The following YWHAE variants were observed in gnomAD, a reference collection of about 807,000 sequenced individuals.
The protein encoded by YWHAE is 14-3-3 protein epsilon.
YWHAE carries 4 observed loss-of-function variants against 30.1 expected under a neutral mutation model. The observed-to-expected ratio is 0.13, with a 90% CI of 0.07 to 0.30. The LOEUF (loss-of-function observed/expected upper bound fraction) is 0.30. YWHAE is among the 10% of genes least tolerant of loss of function. YWHAE has a pLI of 1.00. For missense variants in YWHAE, 121 were observed against 315.9 expected, an observed-to-expected ratio of 0.38 and a Z score of 4.68; for synonymous variants, 118 against 111.8, an observed-to-expected ratio of 1.06 and a Z score of -0.35.
chr17:1,376,804 T>C (rs1292612084), intron 1 of YWHAE, among the ~76,000 whole-genome samples: 2 of 152,070 alleles, frequency 1.3e-5, no homozygotes, highest in African/African-American at 2.4e-5. Context: ...CAGCTCCTAA[T>C]GAAATTCAGG....
chr17:1,366,722 C>T lies in YWHAE; in HGVS notation c.65-1664G>A, dbSNP rs558487356. The stretch of plus-strand genomic sequence containing the variant: ...CTTTGGGAGGCCAAGGTGGGTGGAT[C>T]GCCTGAGGTCAGGAGTTCGAGACCA... On this transcript the variant is annotated intron_variant, in intron 1 of 5. Coordinates refer to ENST00000264335, the MANE Select transcript of YWHAE (RefSeq NM_006761.5). Among the ~76,000 whole-genome samples the T allele has an allele frequency of 9.5e-4, 145 of 152,066 alleles. 1 individual carries two copies. Among genetic ancestry groups the T allele is most frequent in the Non-Finnish European group, 8.8e-4 (60 of 67,968 alleles).
Position 1,400,101 on chromosome 17 carries a change from G to C in YWHAE, c.10C>G (p.Arg4Gly). 6.2e-7 allele frequency: 1 copy of C among 1,613,834 alleles called. No individual in the cohort carries two copies. Among genetic ancestry groups the C allele is most frequent in the Non-Finnish European group, 8.5e-7 (1 of 1,179,986 alleles). Reference protein sequence around the residue: MDDREDLVYQAKLA... With the variant: MDDGEDLVYQAKLA... ...TTCGCCTGGTACACCAGATCCTCTC[G>C]ATCATCCATAGCGGCAGCGGCTCCG... is the stretch of plus-strand genomic sequence containing the variant. Residue 4 changes from arginine to glycine, a missense_variant, in exon 1 of 6, where the codon CGA becomes GGA. Arg to Gly is a moderately radical substitution (Grantham distance 125). Coordinates refer to ENST00000264335, the MANE Select transcript of YWHAE (RefSeq NM_006761.5).
chr17:1,399,768 C>T (rs1447998644), intron 1 of YWHAE: 3 of 400,016 alleles, frequency 7.5e-6, no homozygotes, highest in Non-Finnish European at 1.4e-5. Context: ...CGGGACTCGC[C>T]CTCCCCCCAG....
chr17:1,365,789 C>T (rs1036140902), intron 1 of YWHAE, among the ~76,000 whole-genome samples: 7 of 152,178 alleles, frequency 4.6e-5, no homozygotes, highest in Non-Finnish European at 8.8e-5. Flanking sequence ...ACATTACCCA[C>T]GTTTCAATCT....
intron 1 of YWHAE, among the ~76,000 whole-genome samples, chr17:1,390,196 C>T (rs755307197): frequency 1.1e-4 from 17 of 152,082 alleles, no homozygotes; most frequent in Non-Finnish European, 1.3e-4. Context: ...AAAGGTGTTA[C>T]GTTTGCTAAG....
intron 5 of YWHAE, among the ~76,000 whole-genome samples, chr17:1,353,679 G>A (rs936381754): frequency 1.3e-5 from 2 of 151,378 alleles, no homozygotes; most frequent in African/African-American, 4.9e-5. Flanking sequence ...CAGGAGAATC[G>A]CTTGAACCCG....
At chr17:1,391,291 G>GAA (rs35121249) in intron 1 of YWHAE, among the ~76,000 whole-genome samples, 12 of 148,050 alleles carry the variant, frequency 8.1e-5, no homozygotes, top group East Asian at 7.9e-4. Flanking sequence ...AACTTCATTT[G>GAA]AAAAAAAAAA....
chr17:1,371,623 G>C (rs764655484), intron 1 of YWHAE, among the ~76,000 whole-genome samples: 1 of 152,124 alleles, frequency 6.6e-6, no homozygotes, highest in Non-Finnish European at 1.5e-5. Flanking sequence ...TTCACCAGCT[G>C]CATTAGTCCC....
At chr17:1,350,440 T>C (rs566445924) in intron 5 of YWHAE, among the ~76,000 whole-genome samples, 2 of 151,878 alleles carry the variant, frequency 1.3e-5, no homozygotes, top group Non-Finnish European at 2.9e-5. Context: ...ATGTGTTTTC[T>C]TGTTTTGTTT....
At chr17:1,398,343 C>CTCA (rs1555648140) in intron 1 of YWHAE, among the ~76,000 whole-genome samples, 1 of 149,510 alleles carries the variant, frequency 6.7e-6, no homozygotes, top group Non-Finnish European at 1.5e-5. Context: ...ATCCCCCCCC[C>CTCA]CAACAGGAAC....
chr17:1,357,814 C>T (rs2072780067), intron 4 of YWHAE, among the ~76,000 whole-genome samples: 1 of 151,484 alleles, frequency 6.6e-6, no homozygotes, highest in Admixed American at 6.6e-5. Flanking sequence ...GTAATCCCAG[C>T]TACCTGGGAG....
intron 1 of YWHAE, among the ~76,000 whole-genome samples, chr17:1,398,402 T>A (rs116599699): frequency 3.4e-5 from 5 of 146,710 alleles, no homozygotes; most frequent in Admixed American, 1.4e-4. Flanking sequence ...CGAAATTTAG[T>A]TCACTATATT....
At chr17:1,374,139 C>A (rs1197662141) in intron 1 of YWHAE, among the ~76,000 whole-genome samples, 1 of 151,966 alleles carries the variant, frequency 6.6e-6, no homozygotes, top group Non-Finnish European at 1.5e-5. Context: ...ATGGCAAAAC[C>A]CCGTCTCTAC....
chr17:1,367,898 G>A (rs562577855), intron 1 of YWHAE, among the ~76,000 whole-genome samples: 1 of 152,192 alleles, frequency 6.6e-6, no homozygotes, highest in Non-Finnish European at 1.5e-5. Flanking sequence ...ACATGTAAAA[G>A]TGGCACGTTT....
intron 4 of YWHAE, among the ~76,000 whole-genome samples, chr17:1,357,330 G>C (rs969939638): frequency 6.7e-6 from 1 of 150,076 alleles, no homozygotes; most frequent in Admixed American, 6.7e-5. Context: ...GTGAACCCGG[G>C]AGGCAGAGCT....
Position 1,379,255 on chromosome 17 carries a change from C to T in YWHAE, c.65-14197G>A, listed in dbSNP as rs115812150. On this transcript the variant is annotated intron_variant, in intron 1 of 5. Transcript: ENST00000264335. ...ATCCCAACACTTTGGGAGGATGAAG[C>T]GGGCAGGCTGCTTGAGCTGAGGAGT... is the stretch of plus-strand genomic sequence containing the variant. Among the ~76,000 whole-genome samples the T allele has an allele frequency of 4.4e-3, 663 of 152,210 alleles. 8 individuals carry two copies. Among genetic ancestry groups the T allele is most frequent in the African/African-American group, 0.015 (616 of 41,528 alleles).
At chr17:1,359,685 T>C (rs578119375) in intron 4 of YWHAE, among the ~76,000 whole-genome samples, 1 of 151,634 alleles carries the variant, frequency 6.6e-6, no homozygotes, top group East Asian at 1.9e-4. Context: ...TACTAGCAGC[T>C]AGGGAGAGGG....
chr17:1,396,892 G>T (rs950281244), intron 1 of YWHAE, among the ~76,000 whole-genome samples: 1 of 150,816 alleles, frequency 6.6e-6, no homozygotes, highest in Non-Finnish European at 1.5e-5. Flanking sequence ...AAAGTACTGG[G>T]ATTACAGGCA....
chr17:1,369,784 T>C (rs911481053), intron 1 of YWHAE: 6 of 152,252 alleles, frequency 3.9e-5, no homozygotes, highest in Non-Finnish European at 8.8e-5. Flanking sequence ...ACATGAATTT[T>C]TGTGTTTCCC....
Sources: allele counts gnomAD v4.1 joint callset (sites outside exome capture counted in the v4.1 genomes callset), GRCh38; gene constraint gnomAD v4.1.1; transcripts MANE v1.5; gene names NCBI Gene and HGNC (gene_info 2026-07-23, HGNC 2026-07-21).